Variants in PRDM2 observed in about 807,000 individuals in gnomAD.
PRDM2 encodes the protein PR domain zinc finger protein 2.
In PRDM2, 30 loss-of-function variants were observed where a neutral mutation model predicts 130.0. The observed-to-expected ratio is 0.23, with a 90% CI of 0.17 to 0.31. The LOEUF is 0.31. Ranked by LOEUF, PRDM2 falls within the 10% of genes least tolerant of loss-of-function variation. The pLI, the probability that PRDM2 is intolerant of heterozygous loss-of-function variation, is 1.00. For missense variants in PRDM2, 2,011 were observed against 2,108.4 expected, an observed-to-expected ratio of 0.95 and a Z score of 0.90; for synonymous variants, 871 against 782.4, an observed-to-expected ratio of 1.11 and a Z score of -1.89.
intron 2 of PRDM2, among the ~76,000 whole-genome samples, chr1:13,726,930 CCTTGCGGAG>C (rs1383751459): frequency 6.6e-6 from 1 of 152,096 alleles, no homozygotes; most frequent in African/African-American, 2.4e-5. Context: ...AGCTGGGGTG[CCTTGCGGAG>C]CTTGCGATCT....
At chr1:13,768,554 ATTT>A in intron 6 of PRDM2, among the ~76,000 whole-genome samples, 1 of 150,518 alleles carries the variant, frequency 6.6e-6, no homozygotes, top group Non-Finnish European at 1.5e-5. Flanking sequence ...TAATTTTTGT[ATTT>A]TTAGTAGAGA....
intron 5 of PRDM2, among the ~76,000 whole-genome samples, chr1:13,748,532 C>T (rs548076494): frequency 6.6e-6 from 1 of 152,212 alleles, no homozygotes; most frequent in Non-Finnish European, 1.5e-5. Flanking sequence ...ACCCTTGTAA[C>T]TTTTTTAACA....
intron 1 of PRDM2, among the ~76,000 whole-genome samples, 151 bp downstream of exon 1, chr1:13,700,451 C>T (rs1240123799): frequency 6.7e-6 from 1 of 150,078 alleles, no homozygotes; most frequent in Non-Finnish European, 1.5e-5. Flanking sequence ...CCTCAGAGGT[C>T]CCGGGCGTGC....
In PRDM2 at chr1:13,821,219, A is replaced by G. The variant is rs72869981; in HGVS notation, c.*24-1940A>G. Among the ~76,000 whole-genome samples the G allele has an allele frequency of 4.3e-3, 654 of 152,294 alleles. 1 individual carries two copies. Among genetic ancestry groups the G allele is most frequent in the African/African-American group, 0.015 (613 of 41,532 alleles). ...GTTGAGAAGATTGCATAGGTTAGTG[A>G]ATGAAAAACCCTTAGCAAAGTGCCT... is the stretch of plus-strand genomic sequence containing the variant. On this transcript the variant is annotated intron_variant, in intron 9 of 9. Transcript: ENST00000311066.
intron 5 of PRDM2, among the ~76,000 whole-genome samples, chr1:13,743,423 A>G (rs1049913923): frequency 2.6e-5 from 4 of 151,382 alleles, no homozygotes; most frequent in African/African-American, 7.3e-5. Flanking sequence ...AAAAAAAAAA[A>G]AAAGACAGAT....
chr1:13,717,868 T>C (rs989739043), intron 2 of PRDM2, among the ~76,000 whole-genome samples: 2 of 152,228 alleles, frequency 1.3e-5, no homozygotes, highest in Non-Finnish European at 2.9e-5. Flanking sequence ...ATGAAGCTTT[T>C]ATTTGGATTA....
intron 2 of PRDM2, among the ~76,000 whole-genome samples, chr1:13,719,949 G>A (rs1403363164): frequency 1.3e-5 from 2 of 152,006 alleles, no homozygotes; most frequent in Non-Finnish European, 2.9e-5. Context: ...GTCTATTGTA[G>A]CAATAATATA....
Position 13,782,208 on chromosome 1 carries a change from T to A in PRDM2, c.4413T>A (p.Asn1471Lys). Residue 1471 changes from asparagine to lysine, a missense_variant, in exon 8 of 10, where the codon AAT becomes AAA. Physicochemically the swap from Asn to Lys is moderately conservative, Grantham distance 94 (BLOSUM62 0). This residue lies in a region of PRDM2 where 410 missense variants were observed against 395.9 expected (regional missense o/e 1.04). Transcript: ENST00000311066. ...AGTTCACTTACATTGGAAGCCTGAATAAACACGCCGCCTTCAGCTGTCCCA... is the reference window on the plus strand; with the variant it reads ...AGTTCACTTACATTGGAAGCCTGAAAAAACACGCCGCCTTCAGCTGTCCCA... The part of the protein sequence containing the change: ...NREFTYIGSL[N>K]KHAAFSCPKK... 2 of 1,613,592 alleles carry A rather than the reference T, an allele frequency of 1.2e-6. No homozygotes were observed. The highest frequency in any genetic ancestry group is 1.7e-6 in the Non-Finnish European group (2 of 1,179,924).
At chr1:13,749,005 C>T (rs1643706572) in intron 5 of PRDM2, among the ~76,000 whole-genome samples, 1 of 152,234 alleles carries the variant, frequency 6.6e-6, no homozygotes, top group Admixed American at 6.5e-5. Context: ...TTACATTTCT[C>T]CTCGACTTAG....
intron 8 of PRDM2, among the ~76,000 whole-genome samples, chr1:13,785,222 G>C (rs1323687515): frequency 2.0e-5 from 3 of 152,264 alleles, no homozygotes; most frequent in Middle Eastern, 3.4e-3. Flanking sequence ...TGTAAATTTC[G>C]TGTAGGGATG....
chr1:13,762,134 T>C (rs910708976), intron 6 of PRDM2, among the ~76,000 whole-genome samples: 1 of 152,232 alleles, frequency 6.6e-6, no homozygotes, highest in Non-Finnish European at 1.5e-5. Context: ...CCAGGCACTG[T>C]GTGGCATTCG....
Position 13,742,013 on chromosome 1 carries a change from C to T in PRDM2, c.240C>T (p.Tyr80=), listed in dbSNP as rs1415196506. Residue 80 remains tyrosine (Y), a synonymous_variant, in exon 5 of 10, where the codon TAC becomes TAT. Coordinates refer to ENST00000311066, the MANE Select transcript of PRDM2 (RefSeq NM_001393986.1). ...KNNVYMWEVY[Y]PNLGWMCIDA... ...TTTTCTCCATTTTCAAGGTGTATTA[C>T]CCAAATTTGGGATGGATGTGCATTG... 1.3e-6 allele frequency: 2 copies of T among 1,565,192 alleles called. No homozygotes were observed. The highest frequency in any genetic ancestry group is 2.2e-5 in the East Asian group (1 of 44,624).
In PRDM2 at chr1:13,797,217, A is replaced by T. The variant is rs1557666254; in HGVS notation, c.5036+14386A>T. On this transcript the variant is annotated intron_variant, in intron 8 of 9. Transcript: ENST00000311066. ...ATTTCTCTTATGGATTCAGGATGTT[A>T]CTCTGGAATTGTTTTGGAATTTCTC... 1.3e-5 allele frequency among the ~76,000 whole-genome samples: 2 copies of T among 152,100 alleles called. 1 individual carries two copies. Among genetic ancestry groups the T allele is most frequent in the East Asian group, 3.8e-4 (2 of 5,196 alleles).
At chr1:13,755,035 A>G (rs1392274805) in intron 6 of PRDM2, among the ~76,000 whole-genome samples, 1 of 152,090 alleles carries the variant, frequency 6.6e-6, no homozygotes, top group Non-Finnish European at 1.5e-5. Context: ...TGCCAGGATG[A>G]ACTCTGCTGC....
At chr1:13,715,762 A>G in intron 2 of PRDM2, 148 bp downstream of exon 2, 1 of 692,562 alleles carries the variant, frequency 1.4e-6, no homozygotes, top group Non-Finnish European at 2.3e-6. Flanking sequence ...TTGTGTTCAT[A>G]CCGTGCATTT....
chr1:13,754,318 C>T (rs1344359245), intron 6 of PRDM2, among the ~76,000 whole-genome samples: 1 of 152,144 alleles, frequency 6.6e-6, no homozygotes, highest in Non-Finnish European at 1.5e-5. Context: ...AGGCAGCATC[C>T]TCCTCCAGTG....
Position 13,731,071 on chromosome 1 carries a change from G to A in PRDM2, c.81G>A (p.Pro27=), listed in dbSNP as rs758175722. The part of the protein sequence containing the change: ...EVPEHVLRGL[P]EEVRLFPSAV... Reference sequence around the variant, plus strand: ...CCGAACATGTGCTGCGAGGACTTCCGGAGGAAGTGAGGCTTTTCCCTTCTG... The same window carrying A: ...CCGAACATGTGCTGCGAGGACTTCCAGAGGAAGTGAGGCTTTTCCCTTCTG... Residue 27 remains proline (P), a synonymous_variant, in exon 3 of 10, where the codon CCG becomes CCA. Coordinates refer to ENST00000311066, the MANE Select transcript of PRDM2 (RefSeq NM_001393986.1). The A allele has an allele frequency of 5.8e-5, 94 of 1,612,068 alleles. No homozygotes were observed. The highest frequency in any genetic ancestry group is 3.0e-4 in the Admixed American group (18 of 59,840).
chr1:13,816,384 C>T (rs1396592627), intron 8 of PRDM2, 43 bp from the exon 9 acceptor site: 10 of 1,610,488 alleles, frequency 6.2e-6, no homozygotes, highest in Non-Finnish European at 7.6e-6. Context: ...GGGCACCGGG[C>T]TGGGCTCCTG....
At chr1:13,742,210 T>C in intron 5 of PRDM2, 53 bp downstream of exon 5, 1 of 1,571,726 alleles carries the variant, frequency 6.4e-7, no homozygotes, top group African/African-American at 1.4e-5. Flanking sequence ...TGTTTTCCTT[T>C]TTCTTTTTTT....
Sources: allele counts gnomAD v4.1 joint callset (sites outside exome capture counted in the v4.1 genomes callset), GRCh38; gene constraint gnomAD v4.1.1; regional missense constraint gnomAD v4.1.1; transcripts MANE v1.5; gene names NCBI Gene and HGNC (gene_info 2026-07-23, HGNC 2026-07-21).